Variants in FANCM observed in about 807,000 individuals in gnomAD.
FANCM encodes FA complementation group M.
A neutral mutation model predicts 199.5 loss-of-function variants in FANCM; 140 were observed. That is an observed-to-expected ratio of 0.70 (90% CI 0.61 to 0.81). The LOEUF is 0.81. Ranked by LOEUF, FANCM falls within the 30% of genes least tolerant of loss-of-function variation. The probability of loss-of-function intolerance (pLI) is 0.00; values close to 1 mark genes in which losing one functional copy is unlikely to be tolerated. For missense variants in FANCM, 2,410 were observed against 2,421.4 expected, an observed-to-expected ratio of 1.00 and a Z score of 0.10; for synonymous variants, 840 against 836.8, an observed-to-expected ratio of 1.00 and a Z score of -0.07.
chr14:45,198,814 A>G lies in FANCM; in HGVS notation c.5887A>G (p.Thr1963Ala), dbSNP rs757062269. The change falls in exon 22 of 23, where the codon ACA becomes GCA. Residue 1963 changes from threonine to alanine, a missense_variant. Physicochemically the swap from Thr to Ala is moderately conservative, Grantham distance 58. Transcript: ENST00000267430. ...QRKNVGIHVP[T>A]VVNSNKSEAL... ...AAAGAATGTTGGTATTCATGTTCCA[A>G]CAGTGGTGAATAGTAATAAAAGTGA... 4.6e-5 allele frequency: 75 copies of G among 1,613,868 alleles called. No homozygotes were observed. The highest frequency in any genetic ancestry group is 6.0e-5 in the Non-Finnish European group (71 of 1,179,892).
intron 11 of FANCM, 126 bp downstream of exon 11, chr14:45,167,289 C>CTTTGGAAAGGCCTT: frequency 1.4e-6 from 1 of 698,236 alleles, no homozygotes; most frequent in African/African-American, 1.8e-5. Context: ...TATAGGCATT[C>CTTTGGAAAGGCCTT]TCTTTGGAAA....
At chr14:45,157,869 G>A (rs1447629052) in intron 8 of FANCM, among the ~76,000 whole-genome samples, 3 of 152,088 alleles carry the variant, frequency 2.0e-5, no homozygotes, top group Admixed American at 1.3e-4. Context: ...TGCGTAGTGC[G>A]GTCCTTGGAA....
chr14:45,160,575 C>T (rs1400590659), intron 9 of FANCM, among the ~76,000 whole-genome samples: 4 of 149,320 alleles, frequency 2.7e-5, no homozygotes, highest in African/African-American at 7.4e-5. Context: ...GACGGAGTCT[C>T]GCTCTGTTGC....
chr14:45,199,787 GTGTT>G, intron 22 of FANCM, 79 bp from the exon 23 acceptor site: 2 of 1,188,520 alleles, frequency 1.7e-6, no homozygotes, highest in Non-Finnish European at 2.5e-6. Flanking sequence ...AAAGGCTACT[GTGTT>G]TGGTGTTCTT....
intron 5 of FANCM, 105 bp from the exon 6 acceptor site, chr14:45,153,815 G>T: frequency 1.1e-6 from 1 of 880,666 alleles, no homozygotes; most frequent in Admixed American, 1.7e-5. Flanking sequence ...TGATCATTTG[G>T]ATTATATTAT....
chr14:45,139,296 C>T (rs945238401), intron 2 of FANCM, among the ~76,000 whole-genome samples: 1 of 152,082 alleles, frequency 6.6e-6, no homozygotes, highest in Non-Finnish European at 1.5e-5. Flanking sequence ...TTTAAAAGCT[C>T]GATAAATATT....
intron 17 of FANCM, 119 bp downstream of exon 17, chr14:45,184,021 A>G (rs1235499290): frequency 2.8e-6 from 2 of 717,746 alleles, no homozygotes; most frequent in Non-Finnish European, 4.4e-6. Flanking sequence ...AAGTATTTTG[A>G]CACCCATTTA....
At position 45,159,233 on chromosome 14, in the gene FANCM, G is replaced by A. The variant is rs1176304267; in HGVS notation, c.1534G>A (p.Ala512Thr). ...TAGAGTAATGACTTTTGTCGGCCAT[G>A]CCTCAGGGAAAAGCACGAAGGGTTT... is the stretch of plus-strand genomic sequence containing the variant. ...IIRVMTFVGH[A>T]SGKSTKGFTQ... The change falls in exon 9 of 23, where the codon GCC (alanine) becomes ACC (threonine). Residue 512 changes from alanine (A) to threonine (T), a missense_variant. Physicochemically the swap from Ala to Thr is moderately conservative, Grantham distance 58. Transcript: ENST00000267430. 2 of 1,613,922 alleles carry A rather than the reference G, an allele frequency of 1.2e-6. No homozygotes were observed. Among genetic ancestry groups the A allele is most frequent in the South Asian group, 1.1e-5 (1 of 91,032 alleles).
chr14:45,183,130 C>T (rs1423499428), intron 16 of FANCM, among the ~76,000 whole-genome samples: 1 of 152,134 alleles, frequency 6.6e-6, no homozygotes, highest in Non-Finnish European at 1.5e-5. Flanking sequence ...TCATATAAGA[C>T]TTCATTAGAA....
intron 5 of FANCM, among the ~76,000 whole-genome samples, chr14:45,152,401 T>C (rs1886891643): frequency 6.6e-6 from 1 of 152,134 alleles, no homozygotes; most frequent in African/African-American, 2.4e-5. Flanking sequence ...CTCAAAGCCA[T>C]GAGAAGGTAG....
In FANCM at chr14:45,143,724, C is replaced by G. The variant is rs546744283; in HGVS notation, c.759+3015C>G. 5.1e-4 allele frequency among the ~76,000 whole-genome samples: 69 copies of G among 136,190 alleles called. 1 individual carries two copies. Among genetic ancestry groups the G allele is most frequent in the African/African-American group, 2.0e-3 (69 of 34,180 alleles). 89.3% of individuals were successfully genotyped at this position (136,190 alleles called of 152,430 possible). ...TTTTTTTTTTTTTGAGACAGAGTCT[C>G]GCTTTGTCACCCAGGCTGGAGTGCA... On this transcript the variant is annotated intron_variant, in intron 3 of 22. Transcript: ENST00000267430.
chr14:45,152,624 T>C (rs1392251781), intron 5 of FANCM, among the ~76,000 whole-genome samples: 1 of 152,226 alleles, frequency 6.6e-6, no homozygotes, highest in Non-Finnish European at 1.5e-5. Flanking sequence ...AGGGAATGCC[T>C]GTGCAAAAGA....
At chr14:45,137,684 A>T (rs1021226196) in intron 2 of FANCM, 3 of 178,350 alleles carry the variant, frequency 1.7e-5, no homozygotes, top group Non-Finnish European at 3.6e-5. Flanking sequence ...GTACTCCAGG[A>T]ATATAAAATA....
At chr14:45,184,386 G>T (rs1402414511) in intron 17 of FANCM, among the ~76,000 whole-genome samples, 1 of 152,154 alleles carries the variant, frequency 6.6e-6, no homozygotes, top group African/African-American at 2.4e-5. Context: ...AGCAGGCTGG[G>T]CGCGGTGGCT....
Position 45,189,128 on chromosome 14 carries a change from C to T in FANCM, c.5106C>T (p.Asp1702=). 1.2e-6 allele frequency: 2 copies of T among 1,614,088 alleles called. No homozygotes were observed. The highest frequency in any genetic ancestry group is 1.7e-6 in the Non-Finnish European group (2 of 1,179,946). Residue 1702 remains aspartate (D), a synonymous_variant, in exon 20 of 23, where the codon GAC becomes GAT. Coordinates refer to ENST00000267430, the MANE Select transcript of FANCM (RefSeq NM_020937.4). ...CTGTTAAGAAGAACAAACAACAGGA[C>T]CATTGTTTAAATTCAGTGCCTTCTG... The part of the protein sequence containing the change: ...PSTVKKNKQQ[D]HCLNSVPSGS...
At chr14:45,153,529 C>T (rs1486689460) in intron 5 of FANCM, among the ~76,000 whole-genome samples, 5 of 152,116 alleles carry the variant, frequency 3.3e-5, no homozygotes, top group African/African-American at 7.2e-5. Flanking sequence ...GTATCTAGCT[C>T]AGTGCTTGAC....
At chr14:45,174,329 G>A (rs1056058160) in intron 13 of FANCM, among the ~76,000 whole-genome samples, 1 of 151,868 alleles carries the variant, frequency 6.6e-6, no homozygotes, top group South Asian at 2.1e-4. Context: ...GGAGGTTGCA[G>A]TGAGCCAAGA....
At chr14:45,182,866 C>T (rs1889156005) in intron 16 of FANCM, among the ~76,000 whole-genome samples, 1 of 152,048 alleles carries the variant, frequency 6.6e-6, no homozygotes, top group South Asian at 2.1e-4. Flanking sequence ...GTTCAAAACA[C>T]TTATATTTGG....
chr14:45,148,716 TTAA>T (rs1348986997), intron 3 of FANCM, 118 bp from the exon 4 acceptor site: 32 of 672,516 alleles, frequency 4.8e-5, no homozygotes, highest in Non-Finnish European at 7.8e-5. Context: ...TTTTTGTTAC[TTAA>T]TGATATAAAT....
Sources: allele counts gnomAD v4.1 joint callset (sites outside exome capture counted in the v4.1 genomes callset), GRCh38; gene constraint gnomAD v4.1.1; transcripts MANE v1.5; gene names NCBI Gene and HGNC (gene_info 2026-07-23, HGNC 2026-07-21).